The following FBXL7 variants were observed in gnomAD, a reference collection of about 807,000 sequenced individuals.
The protein encoded by FBXL7 is F-box/LRR-repeat protein 7.
FBXL7 carries 12 observed loss-of-function variants against 38.3 expected under a neutral mutation model. The observed-to-expected ratio is 0.31, with a 90% CI of 0.20 to 0.51. FBXL7 has a LOEUF of 0.51. Among genes scored for constraint, FBXL7 ranks in the 20% least tolerant of loss-of-function variants. The probability of loss-of-function intolerance (pLI) is 0.98; values close to 1 mark genes in which losing one functional copy is unlikely to be tolerated. For synonymous variants in FBXL7, 297 were observed against 300.9 expected, an observed-to-expected ratio of 0.99 and a Z score of 0.13; for missense variants, 567 against 676.4, an observed-to-expected ratio of 0.84 and a Z score of 1.79.
intron 2 of FBXL7, among the ~76,000 whole-genome samples, chr5:15,636,175 G>A (rs983228308): frequency 6.6e-6 from 1 of 150,538 alleles, no homozygotes; most frequent in African/African-American, 2.4e-5. Flanking sequence ...AAATTTTAAA[G>A]TACAGATCCT....
intron 1 of FBXL7, among the ~76,000 whole-genome samples, chr5:15,527,247 A>T (rs1363572929): frequency 6.6e-6 from 1 of 152,252 alleles, no homozygotes; most frequent in Non-Finnish European, 1.5e-5. Flanking sequence ...TAAGACTATT[A>T]GGTCTTTTCA....
intron 2 of FBXL7, among the ~76,000 whole-genome samples, chr5:15,899,169 C>T (rs925383109): frequency 3.3e-5 from 5 of 152,110 alleles, no homozygotes; most frequent in Non-Finnish European, 4.4e-5. Context: ...TGGGTTCAAG[C>T]GATTCTTCTG....
At chr5:15,884,847 A>G (rs967316267) in intron 2 of FBXL7, among the ~76,000 whole-genome samples, 13 of 152,216 alleles carry the variant, frequency 8.5e-5, no homozygotes, top group African/African-American at 3.1e-4. Context: ...TCCAAAATAA[A>G]TGTGGAAGGA....
At chr5:15,510,991 T>C (rs1368534967) in intron 1 of FBXL7, among the ~76,000 whole-genome samples, 2 of 152,184 alleles carry the variant, frequency 1.3e-5, no homozygotes, top group East Asian at 1.9e-4. Flanking sequence ...CCGTGTTTGC[T>C]CTGGAGACCA....
chr5:15,840,106 G>A (rs1446537836), intron 2 of FBXL7, among the ~76,000 whole-genome samples: 2 of 152,140 alleles, frequency 1.3e-5, no homozygotes, highest in Non-Finnish European at 2.9e-5. Context: ...AAGCTTTCAA[G>A]TACATGCTGT....
Position 15,774,345 on chromosome 5 carries a change from A to G in FBXL7, c.128-153545A>G, listed in dbSNP as rs188271131. ...ACTCTTAACTTGATCTACACGTTCC[A>G]TTTTACCAGGGGAAGAAGCATATTC... On this transcript the variant is annotated intron_variant, in intron 2 of 3. Coordinates refer to ENST00000504595, the MANE Select transcript of FBXL7 (RefSeq NM_012304.5). Among the ~76,000 whole-genome samples the G allele has an allele frequency of 1.4e-3, 215 of 152,248 alleles. 1 individual carries two copies. The highest frequency in any genetic ancestry group is 5.1e-3 in the African/African-American group (210 of 41,550).
chr5:15,600,098 A>G (rs1739746305), intron 1 of FBXL7, among the ~76,000 whole-genome samples: 1 of 152,218 alleles, frequency 6.6e-6, no homozygotes, highest in Non-Finnish European at 1.5e-5. Context: ...ATGTTCAAAA[A>G]ATGGCAGCAT....
At chr5:15,538,504 G>A (rs1039997614) in intron 1 of FBXL7, among the ~76,000 whole-genome samples, 1 of 152,188 alleles carries the variant, frequency 6.6e-6, no homozygotes, top group South Asian at 2.1e-4. Flanking sequence ...AATTGTATTG[G>A]TAGGACTGGA....
chr5:15,868,985 G>T (rs1579543977), intron 2 of FBXL7, among the ~76,000 whole-genome samples: 1 of 152,064 alleles, frequency 6.6e-6, no homozygotes, highest in Admixed American at 6.6e-5. Flanking sequence ...CTGTCTTTGT[G>T]GGCCAGGAAT....
chr5:15,882,549 T>C (rs1460534840), intron 2 of FBXL7, among the ~76,000 whole-genome samples: 1 of 152,150 alleles, frequency 6.6e-6, no homozygotes, highest in Non-Finnish European at 1.5e-5. Context: ...CCCATTCTTC[T>C]TACACAGCCA....
intron 1 of FBXL7, among the ~76,000 whole-genome samples, chr5:15,586,263 C>A (rs1282771569): frequency 1.0e-5 from 1 of 97,316 alleles, no homozygotes; most frequent in Non-Finnish European, 2.0e-5. Context: ...CCCCTCCCCT[C>A]CCCTCCCCCC....
intron 2 of FBXL7, among the ~76,000 whole-genome samples, chr5:15,784,048 G>GT (rs1320867572): frequency 6.6e-6 from 1 of 152,302 alleles, no homozygotes; most frequent in East Asian, 1.9e-4. Flanking sequence ...GGCAGTGACT[G>GT]TTTCCCTGGC....
At chr5:15,606,375 G>C (rs1442536156) in intron 1 of FBXL7, among the ~76,000 whole-genome samples, 1 of 152,110 alleles carries the variant, frequency 6.6e-6, no homozygotes, top group Non-Finnish European at 1.5e-5. Context: ...GACATAGCAA[G>C]ACAGCAGCTG....
chr5:15,903,412 G>C (rs1432358469), intron 2 of FBXL7, among the ~76,000 whole-genome samples: 1 of 152,130 alleles, frequency 6.6e-6, no homozygotes, highest in Admixed American at 6.5e-5. Context: ...GTTGTTTCCT[G>C]ACCTCTGGCC....
In FBXL7 at chr5:15,937,114, G is replaced by A. The variant is rs773194098; in HGVS notation, c.1404G>A (p.Val468=). ...ATGTCCAGGACTGCGAGGTCTCCGT[G>A]GAGGCCCTGCGCTTTGTCAAACGCC... The part of the protein sequence containing the change: ...TLNVQDCEVS[V]EALRFVKRHC... Residue 468 remains valine (V), a synonymous_variant, in exon 4 of 4, where the codon GTG becomes GTA. Transcript: ENST00000504595. 3 of 1,613,590 alleles carry A rather than the reference G, an allele frequency of 1.9e-6. No individual in the cohort carries two copies. In the South Asian group the frequency reaches 3.3e-5, roughly 18 times the overall value.
chr5:15,627,778 C>T (rs957784733), intron 2 of FBXL7, among the ~76,000 whole-genome samples: 35 of 152,074 alleles, frequency 2.3e-4, no homozygotes, highest in African/African-American at 8.2e-4. Flanking sequence ...AAATATTTGC[C>T]CTTTACAGTC....
intron 2 of FBXL7, among the ~76,000 whole-genome samples, chr5:15,751,644 TAC>T (rs1047527594): frequency 1.3e-5 from 2 of 152,218 alleles, no homozygotes; most frequent in African/African-American, 4.8e-5. Context: ...GAGGGAACCT[TAC>T]CATAGTCAAA....
chr5:15,568,905 T>C (rs971477614), intron 1 of FBXL7, among the ~76,000 whole-genome samples: 6 of 152,168 alleles, frequency 3.9e-5, no homozygotes, highest in Non-Finnish European at 7.3e-5. Context: ...GTTGTTGATA[T>C]GTGGCATTAT....
At chr5:15,739,883 G>A (rs1329906063) in intron 2 of FBXL7, among the ~76,000 whole-genome samples, 5 of 151,998 alleles carry the variant, frequency 3.3e-5, no homozygotes, top group Non-Finnish European at 7.4e-5. Context: ...TTTCTCTTAG[G>A]TATATACCTA....
Sources: allele counts gnomAD v4.1 joint callset (sites outside exome capture counted in the v4.1 genomes callset), GRCh38; gene constraint gnomAD v4.1.1; transcripts MANE v1.5; gene names NCBI Gene and HGNC (gene_info 2026-07-23, HGNC 2026-07-21).